Variants in SLC39A12 observed in about 807,000 individuals in gnomAD.
The protein encoded by SLC39A12 is zinc transporter ZIP12.
Under a neutral mutation model 71.1 loss-of-function variants are expected in SLC39A12, and 63 were observed. The observed-to-expected ratio is 0.89, with a 90% CI of 0.72 to 1.09. The LOEUF (loss-of-function observed/expected upper bound fraction) is 1.09. Ranked by LOEUF, SLC39A12 falls within the 50% of genes least tolerant of loss-of-function variation. The probability of loss-of-function intolerance (pLI) is 0.00; values close to 1 mark genes in which losing one functional copy is unlikely to be tolerated. For missense variants in SLC39A12, 892 were observed against 812.6 expected, an observed-to-expected ratio of 1.10 and a Z score of -1.19; for synonymous variants, 351 against 301.3, an observed-to-expected ratio of 1.16 and a Z score of -1.71.
intron 10 of SLC39A12, among the ~76,000 whole-genome samples, chr10:17,998,056 T>C (rs1835734119): frequency 6.6e-6 from 1 of 152,230 alleles, no homozygotes; most frequent in Non-Finnish European, 1.5e-5. Flanking sequence ...TGGAGTACAG[T>C]GGGACGATCT....
At chr10:17,978,949 C>T (rs1441720031) in intron 5 of SLC39A12, among the ~76,000 whole-genome samples, 2 of 152,172 alleles carry the variant, frequency 1.3e-5, no homozygotes, top group Non-Finnish European at 2.9e-5. Context: ...GACCCCAACC[C>T]AGAATCTACT....
At chr10:18,035,765 C>A (rs1365247245) in intron 12 of SLC39A12, among the ~76,000 whole-genome samples, 1 of 152,140 alleles carries the variant, frequency 6.6e-6, no homozygotes, top group East Asian at 1.9e-4. Context: ...TGTTTTTTCC[C>A]CATCTTTGTG....
chr10:17,981,384 T>C lies in SLC39A12; in HGVS notation c.997T>C (p.Phe333Leu). 1 of 1,613,998 alleles carries C rather than the reference T, an allele frequency of 6.2e-7. No homozygotes were observed. Among genetic ancestry groups the C allele is most frequent in the Non-Finnish European group, 8.5e-7 (1 of 1,179,928 alleles). Reference sequence around the variant, plus strand: ...CCTCTCACTCATTTCTAAGGAGGACTTTAAGCAAATGAGTCCAGGGATCAT... The same window carrying C: ...CCTCTCACTCATTTCTAAGGAGGACCTTAAGCAAATGAGTCCAGGGATCAT... ...KGLSLISKED[F>L]KQMSPGIIQQ... is the part of the protein sequence containing the mutation. The change falls in exon 6 of 13, where the codon TTT becomes CTT. Residue 333 changes from phenylalanine (F) to leucine (L), a missense_variant. Physicochemically the swap from Phe to Leu is conservative, Grantham distance 22 (BLOSUM62 0). Coordinates refer to ENST00000377369, the MANE Select transcript of SLC39A12 (RefSeq NM_001145195.2).
chr10:17,978,223 TTTTC>T (rs1186702575), intron 5 of SLC39A12, 149 bp downstream of exon 5: 2 of 618,416 alleles, frequency 3.2e-6, no homozygotes, highest in Non-Finnish European at 5.1e-6. Context: ...GTAGTTACGG[TTTTC>T]TTTTTCTACA....
intron 4 of SLC39A12, among the ~76,000 whole-genome samples, chr10:17,968,856 A>G (rs1192031930): frequency 6.6e-6 from 1 of 152,184 alleles, no homozygotes; most frequent in African/African-American, 2.4e-5. Context: ...ATTATTGACT[A>G]TAGTTATCAT....
chr10:17,992,636 C>T (rs1589235836), intron 8 of SLC39A12, among the ~76,000 whole-genome samples: 2 of 151,980 alleles, frequency 1.3e-5, no homozygotes, highest in South Asian at 4.2e-4. Context: ...GCCAAAATAC[C>T]AGTAATTCAG....
At chr10:18,036,769 TATATATATATATATATATATA>T (rs1180688958) in intron 12 of SLC39A12, among the ~76,000 whole-genome samples, 954 of 79,374 alleles carry the variant, frequency 0.012, 106 homozygotes, top group Middle Eastern at 0.029. Context: ...TATATATATA[TATATATATATATATATATATA>T]TATATTTTTT....
chr10:18,036,794 A>ATTTTTTTTTTTTTTTTT (rs746691202), intron 12 of SLC39A12, among the ~76,000 whole-genome samples: 2 of 92,896 alleles, frequency 2.2e-5, no homozygotes, highest in African/African-American at 4.5e-5. Flanking sequence ...ATATATATAT[A>ATTTTTTTTTTTTTTTTT]TTTTTTTTTT....
intron 12 of SLC39A12, among the ~76,000 whole-genome samples, chr10:18,023,974 C>T (rs1935507): frequency 0.76 from 116,119 of 152,050 alleles, 45,308 homozygotes; most frequent in African/African-American, 0.91. Flanking sequence ...AGTCTTAGAC[C>T]CTTTGCTCTA....
chr10:17,985,602 C>T (rs902525068), intron 6 of SLC39A12, among the ~76,000 whole-genome samples: 2 of 152,016 alleles, frequency 1.3e-5, no homozygotes, highest in African/African-American at 4.8e-5. Flanking sequence ...AGTTTGCCAT[C>T]ACTTGTTAGT....
In SLC39A12 at chr10:17,993,194, T is replaced by C; in HGVS notation, c.1436T>C (p.Leu479Ser). ...ATCCTCATCCAGCAGGGCCTGTCAT[T>C]GGTTAATGGGCACGTGGGTCATTCC... is the stretch of plus-strand genomic sequence containing the variant. ...VSPNDKQGLS[L>S]VNGHVGHSHH... is the part of the protein sequence containing the mutation. The change falls in exon 9 of 13, where the codon TTG (leucine) becomes TCG (serine). Residue 479 changes from leucine to serine, a missense_variant. By Grantham distance (145) the Leu-to-Ser change is moderately radical (BLOSUM62 -2). Transcript: ENST00000377369. 1 of 1,551,410 alleles carries C rather than the reference T, an allele frequency of 6.4e-7. No homozygotes were observed.
At chr10:18,022,914 G>T (rs1836574612) in intron 12 of SLC39A12, among the ~76,000 whole-genome samples, 1 of 152,120 alleles carries the variant, frequency 6.6e-6, no homozygotes, top group South Asian at 2.1e-4. Context: ...AGTATTTTTT[G>T]GTGTTGAAAT....
chr10:18,042,563 A>T, intron 12 of SLC39A12, 142 bp from the exon 13 acceptor site: 1 of 633,236 alleles, frequency 1.6e-6, no homozygotes, highest in Non-Finnish European at 2.4e-6. Context: ...ATGGTAGAGT[A>T]GGTATTCAGC....
chr10:18,025,408 G>A (rs988085825), intron 12 of SLC39A12, among the ~76,000 whole-genome samples: 7 of 151,534 alleles, frequency 4.6e-5, no homozygotes, highest in East Asian at 3.9e-4. Flanking sequence ...AACAGGCCCC[G>A]GTGTGTGATG....
At chr10:18,028,828 T>A (rs1589255995) in intron 12 of SLC39A12, among the ~76,000 whole-genome samples, 1 of 152,180 alleles carries the variant, frequency 6.6e-6, no homozygotes, top group South Asian at 2.1e-4. Context: ...CAAGCAACCC[T>A]CCAGCCTCAG....
At chr10:18,003,902 G>A (rs553842357) in intron 12 of SLC39A12, among the ~76,000 whole-genome samples, 219 of 152,232 alleles carry the variant, frequency 1.4e-3, no homozygotes, top group African/African-American at 4.5e-3. Flanking sequence ...TAATGATTAC[G>A]TCTTTGAAGT....
intron 12 of SLC39A12, among the ~76,000 whole-genome samples, chr10:18,007,764 G>A (rs193251968): frequency 1.1e-3 from 164 of 152,270 alleles, no homozygotes; most frequent in African/African-American, 3.8e-3. Flanking sequence ...CAGTGAGGAT[G>A]ACCAGAGGTC....
At chr10:17,995,907 A>AT (rs1341530018) in intron 10 of SLC39A12, among the ~76,000 whole-genome samples, 185 bp downstream of exon 10, 1 of 152,262 alleles carries the variant, frequency 6.6e-6, no homozygotes, top group Non-Finnish European at 1.5e-5. Context: ...CTACATATTC[A>AT]TATCAATTTT....
intron 4 of SLC39A12, among the ~76,000 whole-genome samples, chr10:17,970,130 G>C (rs181473112): frequency 6.3e-4 from 96 of 152,120 alleles, no homozygotes; most frequent in African/African-American, 2.3e-3. Context: ...GTTCTTTATT[G>C]TGTTCCATTG....
Sources: gnomAD v4.1 joint callset for allele counts (sites outside exome capture counted in the v4.1 genomes callset) on GRCh38, gnomAD v4.1.1 for gene constraint, MANE v1.5 for transcripts, NCBI Gene and HGNC (gene_info 2026-07-23, HGNC 2026-07-21) for gene names.